Variants in ABLIM2 observed in about 807,000 individuals in gnomAD.
ABLIM2 encodes the protein actin binding LIM protein family member 2.
Under a neutral mutation model 97.7 loss-of-function variants are expected in ABLIM2, and 53 were observed. The ratio of observed to expected loss-of-function variants is 0.54; its 90% confidence interval spans 0.44 to 0.68. ABLIM2 has a LOEUF of 0.68. Among genes scored for constraint, ABLIM2 ranks in the 30% least tolerant of loss-of-function variants. The pLI, the probability that ABLIM2 is intolerant of heterozygous loss-of-function variation, is 0.00. For missense variants in ABLIM2, 835 were observed against 867.2 expected (o/e 0.96, Z 0.47); for synonymous variants, 361 against 345.8 (o/e 1.04, Z -0.49).
chr4:8,114,558 C>T (rs1430753133), intron 1 of ABLIM2, among the ~76,000 whole-genome samples: 2 of 152,144 alleles, frequency 1.3e-5, no homozygotes, highest in Non-Finnish European at 2.9e-5. Flanking sequence ...GGATCACAGG[C>T]GGGCACTTCC....
intron 1 of ABLIM2, among the ~76,000 whole-genome samples, chr4:8,137,562 G>C (rs1277352976): frequency 1.3e-5 from 2 of 152,246 alleles, no homozygotes; most frequent in African/African-American, 4.8e-5. Context: ...TAAGAGCTCA[G>C]CCTGGCCGGG....
chr4:8,032,244 T>C lies in ABLIM2; in HGVS notation c.1048-2468A>G, dbSNP rs1361603956. On this transcript the variant is annotated intron_variant, in intron 10 of 20. Coordinates refer to ENST00000447017, the MANE Select transcript of ABLIM2 (RefSeq NM_001130083.2). This position sits in a 1 kb window ranked among gnomAD's most constrained non-coding sequence, Gnocchi z 4.3. Reference sequence around the variant, plus strand: ...AGACCACTAACAGTAAAAGCTCTTTTGTAGAGAGACACGTCCAGTGTTTCT... The same window carrying C: ...AGACCACTAACAGTAAAAGCTCTTTCGTAGAGAGACACGTCCAGTGTTTCT... 2.0e-5 allele frequency among the ~76,000 whole-genome samples: 3 copies of C among 151,640 alleles called. No individual in the cohort carries two copies. Among genetic ancestry groups the C allele is most frequent in the Non-Finnish European group, 2.9e-5 (2 of 67,990 alleles).
At chr4:7,990,491 TG>T (rs1429052504) in intron 17 of ABLIM2, among the ~76,000 whole-genome samples, 1 of 152,150 alleles carries the variant, frequency 6.6e-6, no homozygotes, top group Non-Finnish European at 1.5e-5. Flanking sequence ...CCACCTCTCA[TG>T]TAATATTTGT....
rs555274421 is a variant in ABLIM2 at position 8,002,769 on chromosome 4, C to T, written c.1618+5290G>A. 2.0e-5 allele frequency among the ~76,000 whole-genome samples: 3 copies of T among 152,340 alleles called. No homozygotes were observed. The highest frequency in any genetic ancestry group is 2.1e-4 in the South Asian group (1 of 4,826). ...GCACACAAACTGCTCTGTGACCTGA[C>T]GCATGGCCCTCACTGTTCTTCCAAC... On this transcript the variant is annotated intron_variant, in intron 16 of 20. Transcript: ENST00000447017. The surrounding 1 kb of genome is among the most constrained non-coding windows in gnomAD (Gnocchi z 6.1).
At position 8,036,311 on chromosome 4, in the gene ABLIM2, G is replaced by C. The variant is rs759423144; in HGVS notation, c.901-16C>G. On this transcript the variant is annotated splice_polypyrimidine_tract_variant and intron_variant, in intron 9 of 20. Transcript: ENST00000447017. ...CAAGCTTGGCCTGAGAGGGGAAAGA[G>C]AATTGGGGAGGGGACAGTCACCAGA... 3 of 1,612,560 alleles carry C rather than the reference G, an allele frequency of 1.9e-6. No homozygotes were observed. In the South Asian group the frequency reaches 3.3e-5, roughly 18 times the overall value.
Position 7,992,716 on chromosome 4 carries a change from A to G in ABLIM2, c.1680+150T>C. 1 of 793,464 alleles carries G rather than the reference A, an allele frequency of 1.3e-6. No individual in the cohort carries two copies. The highest frequency in any genetic ancestry group is 2.1e-6 in the Non-Finnish European group (1 of 480,860). 49.2% of individuals were successfully genotyped at this position (793,464 alleles called of 1,614,324 possible). ...GGGAAAAAGCAGTGGTGGCAGTGGC[A>G]GCCCCTGGGAAGGGCATCAGGCAGA... On this transcript the variant is annotated intron_variant, in intron 17 of 20. Coordinates refer to ENST00000447017, the MANE Select transcript of ABLIM2 (RefSeq NM_001130083.2). The surrounding 1 kb of genome is among the most constrained non-coding windows in gnomAD (Gnocchi z 5.7).
At chr4:8,035,131 C>A (rs1042675216) in intron 10 of ABLIM2, among the ~76,000 whole-genome samples, 1 of 151,682 alleles carries the variant, frequency 6.6e-6, no homozygotes, top group Non-Finnish European at 1.5e-5. Flanking sequence ...GGTCGTGATG[C>A]CTTCCCTCAG....
intron 19 of ABLIM2, 95 bp from the exon 20 acceptor site, chr4:7,983,439 G>T: frequency 6.3e-7 from 1 of 1,577,528 alleles, no homozygotes. Context: ...ACATACTTGC[G>T]TCTGCACCTG....
In ABLIM2 at chr4:8,058,866, TC is replaced by T. The variant is rs1801078063; in HGVS notation, c.763+2100del. 6.6e-6 allele frequency among the ~76,000 whole-genome samples: 1 copy of T among 152,112 alleles called. No individual in the cohort carries two copies. The highest frequency in any genetic ancestry group is 1.5e-5 in the Non-Finnish European group (1 of 68,016). On this transcript the variant is annotated intron_variant, in intron 7 of 20. Transcript: ENST00000447017. The surrounding 1 kb of genome is among the most constrained non-coding windows in gnomAD (Gnocchi z 4.2). Reference sequence around the variant, plus strand: ...CCTCCACTTCTGATTGAGTTCCTCATCCCATCTTTGACGACTCAGTCCTTAG... The same window carrying T: ...CCTCCACTTCTGATTGAGTTCCTCATCCATCTTTGACGACTCAGTCCTTAG...
At chr4:7,983,501 AGGTGT>A in intron 19 of ABLIM2, 41 bp downstream of exon 19, 1 of 1,611,358 alleles carries the variant, frequency 6.2e-7, no homozygotes, top group Non-Finnish European at 8.5e-7. Flanking sequence ...TAACCTGGGC[AGGTGT>A]GGCGCGGCAC....
At position 7,996,938 on chromosome 4, in the gene ABLIM2, T is replaced by C. The variant is rs1753747117; in HGVS notation, c.1619-4011A>G. 6.6e-6 allele frequency among the ~76,000 whole-genome samples: 1 copy of C among 152,232 alleles called. No individual in the cohort carries two copies. Among genetic ancestry groups the C allele is most frequent in the Non-Finnish European group, 1.5e-5 (1 of 68,036 alleles). On this transcript the variant is annotated intron_variant, in intron 16 of 20. Coordinates refer to ENST00000447017, the MANE Select transcript of ABLIM2 (RefSeq NM_001130083.2). This position sits in a 1 kb window ranked among gnomAD's most constrained non-coding sequence, Gnocchi z 4.5. The stretch of plus-strand genomic sequence containing the variant: ...TTTCTTTGTCCTTAATTTTCAGAAA[T>C]TTAATTATGATGTGTCTTGGTGCAG...
chr4:8,144,964 G>T (rs1322792783), intron 1 of ABLIM2, among the ~76,000 whole-genome samples: 1 of 152,234 alleles, frequency 6.6e-6, no homozygotes, highest in Admixed American at 6.5e-5. Context: ...GCAGCACTGA[G>T]TGGGTGTTCT....
chr4:8,143,159 T>TA, intron 1 of ABLIM2, among the ~76,000 whole-genome samples: 1 of 61,400 alleles, frequency 1.6e-5, no homozygotes, highest in South Asian at 6.6e-4. Context: ...GGGGCGAGAG[T>TA]GGGGGGGGGG....
At chr4:8,062,727 C>T (rs1204775065) in intron 6 of ABLIM2, among the ~76,000 whole-genome samples, 2 of 152,156 alleles carry the variant, frequency 1.3e-5, no homozygotes, top group Non-Finnish European at 2.9e-5. Context: ...GCATGAGCCA[C>T]CACGCCCGGC....
At chr4:8,145,170 T>C (rs1389605301) in intron 1 of ABLIM2, among the ~76,000 whole-genome samples, 1 of 151,220 alleles carries the variant, frequency 6.6e-6, no homozygotes, top group East Asian at 1.9e-4. Flanking sequence ...AGGTGCTCTG[T>C]AAATGGCAGG....
At chr4:8,111,192 G>A (rs111578616) in intron 1 of ABLIM2, among the ~76,000 whole-genome samples, 16 of 152,232 alleles carry the variant, frequency 1.1e-4, no homozygotes, top group Non-Finnish European at 1.5e-4. Flanking sequence ...CACACCATGA[G>A]AAGGCATGGA....
chr4:8,009,822 C>T (rs1763761841), intron 14 of ABLIM2, among the ~76,000 whole-genome samples: 1 of 152,202 alleles, frequency 6.6e-6, no homozygotes, highest in Non-Finnish European at 1.5e-5. Context: ...CCGCCCACCC[C>T]CGCAGGAAGA....
At chr4:8,035,487 C>T (rs1783996782) in intron 10 of ABLIM2, among the ~76,000 whole-genome samples, 1 of 152,242 alleles carries the variant, frequency 6.6e-6, no homozygotes, top group Non-Finnish European at 1.5e-5. Flanking sequence ...GTCAAGAGCA[C>T]ACACACTCGG....
intron 17 of ABLIM2, among the ~76,000 whole-genome samples, chr4:7,987,461 A>G (rs1745206643): frequency 6.6e-6 from 1 of 150,922 alleles, no homozygotes; most frequent in Admixed American, 6.6e-5. Flanking sequence ...GTCTCAGACT[A>G]CCATCCCAGG....
Sources: gnomAD v4.1 joint callset for allele counts (sites outside exome capture counted in the v4.1 genomes callset) on GRCh38, gnomAD v4.1.1 for gene constraint, Gnocchi (gnomAD v3.1) non-coding constraint, MANE v1.5 for transcripts, NCBI Gene and HGNC (gene_info 2026-07-23, HGNC 2026-07-21) for gene names.